DEPDC5: variants seen among roughly 807,000 people sequenced by gnomAD.
DEPDC5 encodes the protein DEP domain containing 5, GATOR1 subcomplex subunit.
A neutral mutation model predicts 217.3 loss-of-function variants in DEPDC5; 73 were observed. The ratio of observed to expected loss-of-function variants is 0.34; its 90% CI spans 0.28 to 0.41. DEPDC5 has a LOEUF of 0.41. Among genes scored for constraint, DEPDC5 ranks in the 10% least tolerant of loss-of-function variants. DEPDC5 has a pLI of 1.00. For synonymous variants in DEPDC5, 733 were observed against 756.7 expected (o/e 0.97, Z 0.51); for missense variants, 1,675 against 2,070.1 (o/e 0.81, Z 3.70).
rs148231063 is a variant in DEPDC5 at position 31,819,372 on chromosome 22, G to A, written c.1870+147G>A. 129 of 780,610 alleles carry A rather than the reference G, an allele frequency of 1.7e-4. No homozygotes were observed. In the African/African-American group the frequency reaches 2.0e-3, roughly 12 times the overall value. The allele number at this position is 780,610 out of a possible 1,614,324, so 48.4% of individuals were successfully genotyped here. A position where few individuals can be genotyped will look rare whatever the true frequency, so the allele number is the denominator to read the frequency against. ...CATGCCCACTTTGGCCATCCCAGGG[G>A]TTCTTGTAAAGATCCTTGAAGATGC... On this transcript the variant is annotated intron_variant, in intron 22 of 42. Transcript: ENST00000651528.
chr22:31,791,038 C>T (rs1359040639), intron 10 of DEPDC5, among the ~76,000 whole-genome samples: 4 of 152,038 alleles, frequency 2.6e-5, no homozygotes, highest in Non-Finnish European at 5.9e-5. Flanking sequence ...TGAGCCACCA[C>T]GCCCAGCCGA....
chr22:31,879,546 C>T lies in DEPDC5; in HGVS notation c.3827C>T (p.Thr1276Ile), dbSNP rs780045152. Residue 1276 changes from threonine (T) to isoleucine (I), a missense_variant, in exon 38 of 43, where the codon ACC (threonine) becomes ATC (isoleucine). Thr to Ile is a moderately conservative substitution (Grantham distance 89). This residue lies in a region of DEPDC5 where 194 missense variants were observed against 199.3 expected (regional missense o/e 0.97). Transcript: ENST00000651528. ...PDRVAMQQPATTWHTAGVDDF... is the reference protein window; with the variant it reads ...PDRVAMQQPAITWHTAGVDDF... Reference sequence around the variant, plus strand: ...CCAGTGGCCATGCAGCAGCCCGCCACCACCTGGCACACAGCAGGAGTGGAC... The same window carrying T: ...CCAGTGGCCATGCAGCAGCCCGCCATCACCTGGCACACAGCAGGAGTGGAC... 1.5e-5 allele frequency: 24 copies of T among 1,611,386 alleles called. No homozygotes were observed. Among genetic ancestry groups the T allele is most frequent in the Non-Finnish European group, 1.6e-5 (19 of 1,180,020 alleles).
chr22:31,762,604 A>C (rs1293162676), intron 4 of DEPDC5, among the ~76,000 whole-genome samples: 3 of 152,112 alleles, frequency 2.0e-5, no homozygotes, highest in African/African-American at 4.8e-5. Context: ...TCTCTACTAA[A>C]AATATAAAAT....
At chr22:31,787,999 G>A (rs2085192640) in intron 10 of DEPDC5, among the ~76,000 whole-genome samples, 1 of 151,896 alleles carries the variant, frequency 6.6e-6, no homozygotes. Flanking sequence ...TCACCATGAT[G>A]TGATTATTTC....
chr22:31,846,436 G>A (rs571928068), intron 30 of DEPDC5, among the ~76,000 whole-genome samples: 6 of 152,218 alleles, frequency 3.9e-5, no homozygotes, highest in Non-Finnish European at 5.9e-5. Flanking sequence ...GATTAGAAAC[G>A]TGTCTGGGAG....
intron 24 of DEPDC5, among the ~76,000 whole-genome samples, chr22:31,833,550 C>A (rs59490415): frequency 1.1e-4 from 16 of 152,050 alleles, no homozygotes; most frequent in Admixed American, 3.3e-4. Flanking sequence ...TGCAGTGGCA[C>A]GATCAAAGCT....
At chr22:31,838,955 T>C (rs1310138737) in intron 27 of DEPDC5, 110 bp downstream of exon 27, 1 of 1,228,662 alleles carries the variant, frequency 8.1e-7, no homozygotes, top group Non-Finnish European at 1.1e-6. Flanking sequence ...GTTTTCGACA[T>C]AGAAGTTTTC....
intron 2 of DEPDC5, chr22:31,757,634 C>G (rs2082046085): frequency 6.6e-6 from 1 of 152,188 alleles, no homozygotes; most frequent in African/African-American, 2.4e-5. Flanking sequence ...TGATGTCTTT[C>G]CTTGCAAATT....
chr22:31,849,982 G>C (rs1435193770), intron 31 of DEPDC5, among the ~76,000 whole-genome samples: 1 of 152,004 alleles, frequency 6.6e-6, no homozygotes, highest in African/African-American at 2.4e-5. Context: ...CACTGGGCAT[G>C]GTGGCGCATG....
At chr22:31,790,024 A>T (rs1227576085) in intron 10 of DEPDC5, among the ~76,000 whole-genome samples, 1 of 152,146 alleles carries the variant, frequency 6.6e-6, no homozygotes, top group Non-Finnish European at 1.5e-5. Flanking sequence ...CTCCATGCCC[A>T]TATCAGCCCA....
chr22:31,786,424 T>TAAAA (rs138288), intron 10 of DEPDC5, among the ~76,000 whole-genome samples: 2 of 80,142 alleles, frequency 2.5e-5, no homozygotes, highest in South Asian at 4.0e-4. Context: ...ATGTGGTAGC[T>TAAAA]AAAAAAAAAA....
chr22:31,878,222 G>T (rs2093060297), intron 37 of DEPDC5, among the ~76,000 whole-genome samples: 1 of 151,922 alleles, frequency 6.6e-6, no homozygotes, highest in African/African-American at 2.4e-5. Context: ...AGATGAAGCA[G>T]CTAGTGCCAC....
At chr22:31,755,650 C>CACCTCA (rs1203880701) in intron 2 of DEPDC5, 1 of 151,814 alleles carries the variant, frequency 6.6e-6, no homozygotes, top group African/African-American at 2.4e-5. Context: ...AAGATCCTTC[C>CACCTCA]ACCTCAACCT....
At chr22:31,890,542 T>C (rs1374431056) in intron 38 of DEPDC5, 1 of 151,534 alleles carries the variant, frequency 6.6e-6, no homozygotes, top group Non-Finnish European at 1.5e-5. Flanking sequence ...AAACCCCAAC[T>C]CTATTAAAAT....
At chr22:31,779,906 G>T (rs1216718601) in intron 8 of DEPDC5, among the ~76,000 whole-genome samples, 1 of 152,096 alleles carries the variant, frequency 6.6e-6, no homozygotes, top group African/African-American at 2.4e-5. Flanking sequence ...CAAGAGAGGT[G>T]TACCTTCCCA....
intron 15 of DEPDC5, 39 bp downstream of exon 15, chr22:31,802,877 C>G: frequency 6.5e-7 from 1 of 1,543,390 alleles, no homozygotes; most frequent in Non-Finnish European, 8.7e-7. Context: ...CCACATGTTC[C>G]TAGCCTGATT....
chr22:31,861,065 C>T (rs1242046125), intron 32 of DEPDC5, among the ~76,000 whole-genome samples: 2 of 152,028 alleles, frequency 1.3e-5, no homozygotes, highest in African/African-American at 2.4e-5. Flanking sequence ...CACCTTCCAA[C>T]CTGGGTGCTT....
chr22:31,848,821 T>C (rs1171364004), intron 31 of DEPDC5, among the ~76,000 whole-genome samples: 1 of 152,214 alleles, frequency 6.6e-6, no homozygotes, highest in African/African-American at 2.4e-5. Flanking sequence ...CAAACTTTTA[T>C]GCTCTGCTTC....
At chr22:31,828,473 A>G (rs1032806788) in intron 24 of DEPDC5, among the ~76,000 whole-genome samples, 2 of 151,788 alleles carry the variant, frequency 1.3e-5, no homozygotes, top group African/African-American at 4.8e-5. Context: ...AAAAAAAAAA[A>G]ACAGTTCCTG....
Sources: allele counts gnomAD v4.1 joint callset (sites outside exome capture counted in the v4.1 genomes callset), GRCh38; gene constraint gnomAD v4.1.1; regional missense constraint gnomAD v4.1.1; transcripts MANE v1.5; gene names NCBI Gene and HGNC (gene_info 2026-07-23, HGNC 2026-07-21).